Variants in PITPNB observed in about 807,000 individuals in gnomAD.
PITPNB encodes phosphatidylinositol transfer protein beta.
PITPNB carries 16 observed loss-of-function variants against 45.9 expected under a neutral mutation model. The observed-to-expected ratio is 0.35, with a 90% CI of 0.24 to 0.53. The LOEUF (loss-of-function observed/expected upper bound fraction) is 0.53, where lower values mean the gene tolerates loss of function less well. PITPNB is among the 20% of genes least tolerant of loss of function. PITPNB has a pLI of 0.93. For missense variants in PITPNB, 188 were observed against 330.5 expected (o/e 0.57, Z 3.34); for synonymous variants, 112 against 108.9 (o/e 1.03, Z -0.18).
chr22:27,863,324 G>A (rs1209612629), intron 8 of PITPNB, among the ~76,000 whole-genome samples: 1 of 152,186 alleles, frequency 6.6e-6, no homozygotes, highest in African/African-American at 2.4e-5. Context: ...AAGCAGGGGT[G>A]AGCGAACTAA....
At chr22:27,879,655 A>G (rs983564787) in intron 7 of PITPNB, among the ~76,000 whole-genome samples, 3 of 152,254 alleles carry the variant, frequency 2.0e-5, no homozygotes, top group Non-Finnish European at 4.4e-5. Context: ...AGTTAATTCC[A>G]TAAAGGTGTT....
intron 7 of PITPNB, among the ~76,000 whole-genome samples, chr22:27,878,894 G>T (rs999565896): frequency 6.6e-6 from 1 of 152,162 alleles, no homozygotes; most frequent in Non-Finnish European, 1.5e-5. Flanking sequence ...GGACAAAACT[G>T]CATTAAAAAA....
chr22:27,854,066 T>C (rs1934104274), intron 11 of PITPNB, among the ~76,000 whole-genome samples: 1 of 152,042 alleles, frequency 6.6e-6, no homozygotes, highest in Non-Finnish European at 1.5e-5. Context: ...TGTTCAAAAA[T>C]TAAAGAGCAG....
At chr22:27,906,009 TACA>T (rs1286473695) in intron 3 of PITPNB, among the ~76,000 whole-genome samples, 1 of 152,192 alleles carries the variant, frequency 6.6e-6, no homozygotes, top group Admixed American at 6.5e-5. Flanking sequence ...GAAAACAGGA[TACA>T]ACAAGACAAA....
At chr22:27,855,540 G>A in intron 10 of PITPNB, among the ~76,000 whole-genome samples, 1 of 152,086 alleles carries the variant, frequency 6.6e-6, no homozygotes, top group Non-Finnish European at 1.5e-5. Flanking sequence ...CACTCAATGA[G>A]AAAACAAAAA....
chr22:27,913,003 A>AAAAG (rs398036742), intron 2 of PITPNB, among the ~76,000 whole-genome samples: 2 of 138,142 alleles, frequency 1.4e-5, no homozygotes, highest in Non-Finnish European at 3.2e-5. Context: ...AAAAAAAAAA[A>AAAAG]GGTGGGGGGG....
chr22:27,919,251 T>A lies in PITPNB; in HGVS notation c.-60A>T, dbSNP rs1936204863. ...CACCGCCGCCGCCGCCGCTACCGCCTCTCACAGCGCCTGCGCGGCCCCGCC... is the reference window on the plus strand; with the variant it reads ...CACCGCCGCCGCCGCCGCTACCGCCACTCACAGCGCCTGCGCGGCCCCGCC... On this transcript the variant is annotated 5_prime_UTR_variant, in exon 1 of 12. Transcript: ENST00000335272. 2 of 1,479,166 alleles carry A rather than the reference T, an allele frequency of 1.4e-6. No individual in the cohort carries two copies. The highest frequency in any genetic ancestry group is 2.3e-5 in the South Asian group (2 of 88,532). 91.6% of individuals were successfully genotyped at this position (1,479,166 alleles called of 1,614,324 possible). A position where few individuals can be genotyped will look rare whatever the true frequency, so the allele number is the denominator to read the frequency against.
At chr22:27,912,185 T>G (rs1935946782) in intron 2 of PITPNB, among the ~76,000 whole-genome samples, 2 of 152,230 alleles carry the variant, frequency 1.3e-5, no homozygotes. Context: ...ACAGGTAGTT[T>G]AAGCTCAGTA....
At position 27,853,560 on chromosome 22, in the gene PITPNB, C is replaced by T. The variant is rs1225316802; in HGVS notation, c.*142G>A. 1.4e-6 allele frequency: 2 copies of T among 1,385,706 alleles called. No individual in the cohort carries two copies. The highest frequency in any genetic ancestry group is 2.9e-5 in the African/African-American group (2 of 69,892). The allele number at this position is 1,385,706 out of a possible 1,614,324, so 85.8% of individuals were successfully genotyped here. On this transcript the variant is annotated 3_prime_UTR_variant, in exon 12 of 12. Transcript: ENST00000335272. The stretch of plus-strand genomic sequence containing the variant: ...ACCTGTGCATGTGTGTGTATCATCA[C>T]AAGCACACATCTGGGAAACGTCAAC...
chr22:27,887,789 C>A (rs1295561931), intron 7 of PITPNB, among the ~76,000 whole-genome samples: 2 of 152,114 alleles, frequency 1.3e-5, no homozygotes, highest in African/African-American at 4.8e-5. Flanking sequence ...AATTCCCTCC[C>A]GTTAAGTGCA....
intron 2 of PITPNB, 44 bp downstream of exon 2, chr22:27,914,273 A>G: frequency 1.6e-6 from 2 of 1,253,584 alleles, no homozygotes; most frequent in Non-Finnish European, 2.3e-6. Flanking sequence ...ATCAAAGTAC[A>G]GTACATATAC....
At chr22:27,896,519 C>G in intron 6 of PITPNB, 33 bp downstream of exon 6, 2 of 1,431,300 alleles carry the variant, frequency 1.4e-6, no homozygotes, top group Non-Finnish European at 2.0e-6. Context: ...TTTCCAGGGA[C>G]TTTTGTACTA....
In PITPNB at chr22:27,860,132, T is replaced by C; in HGVS notation, c.644A>G (p.Lys215Arg). 1 of 1,590,638 alleles carries C rather than the reference T, an allele frequency of 6.3e-7. No homozygotes were observed. Among genetic ancestry groups the C allele is most frequent in the Non-Finnish European group, 8.6e-7 (1 of 1,158,630 alleles). ...LQSKVENFIQ[K>R]QEKRIFTNFH... ...CACCACATTTTGAGCAGATTTTACC[T>C]TTTGAATGAAGTTTTCTACTTTGCT... is the stretch of plus-strand genomic sequence containing the variant. Residue 215 changes from lysine to arginine, a missense_variant and splice_region_variant, in exon 9 of 12, where the codon AAG becomes AGG. Lys to Arg is a conservative substitution (Grantham distance 26). Transcript: ENST00000335272.
rs751828774 is a variant in PITPNB at position 27,886,514 on chromosome 22, G to A, written c.456+8041C>T. ...TAAACATGTCAAAGCATCCACTCAA[G>A]TATTCAGTTATGCCATGAGTCAAAT... On this transcript the variant is annotated intron_variant, in intron 7 of 11. Transcript: ENST00000335272. Among the ~76,000 whole-genome samples, 28 of 152,180 alleles carry A rather than the reference G, an allele frequency of 1.8e-4. 1 individual carries two copies. The highest frequency in any genetic ancestry group is 1.3e-4 in the Non-Finnish European group (9 of 68,028).
rs565233290 is a variant in PITPNB, at chr22:27,871,046, CAG to C, written c.534+2690_534+2691del. On this transcript the variant is annotated intron_variant, in intron 8 of 11. Transcript: ENST00000335272. The stretch of plus-strand genomic sequence containing the variant: ...CAGCCTAATAAGTTACTGTTTAACA[CAG>C]GGGGGAAAATGGAAAAAAACTGCAG... 1.1e-3 allele frequency among the ~76,000 whole-genome samples: 160 copies of C among 152,206 alleles called. 1 individual carries two copies. Among genetic ancestry groups the C allele is most frequent in the Middle Eastern group, 3.4e-3 (1 of 294 alleles).
At chr22:27,874,201 A>G (rs1251876040) in intron 7 of PITPNB, among the ~76,000 whole-genome samples, 2 of 152,222 alleles carry the variant, frequency 1.3e-5, no homozygotes, top group African/African-American at 4.8e-5. Context: ...CACTACAGGT[A>G]GATGATGACA....
At chr22:27,916,777 T>C (rs1188580754) in intron 1 of PITPNB, among the ~76,000 whole-genome samples, 1 of 151,878 alleles carries the variant, frequency 6.6e-6, no homozygotes, top group Non-Finnish European at 1.5e-5. Context: ...CACTCCAGCC[T>C]GGGCAACAGA....
chr22:27,904,393 G>A (rs1935698362), intron 3 of PITPNB, among the ~76,000 whole-genome samples: 1 of 152,164 alleles, frequency 6.6e-6, no homozygotes, highest in African/African-American at 2.4e-5. Flanking sequence ...CATATTACAT[G>A]ATTCCATTTA....
intron 8 of PITPNB, among the ~76,000 whole-genome samples, chr22:27,870,739 A>G (rs1235266326): frequency 6.6e-6 from 1 of 152,234 alleles, no homozygotes; most frequent in East Asian, 1.9e-4. Context: ...CCTGCTGAAC[A>G]TGTTTACAGA....
Sources: gnomAD v4.1 joint callset for allele counts (sites outside exome capture counted in the v4.1 genomes callset) on GRCh38, gnomAD v4.1.1 for gene constraint, MANE v1.5 for transcripts, NCBI Gene and HGNC (gene_info 2026-07-23, HGNC 2026-07-21) for gene names.